Variants in FGGY observed in about 807,000 individuals in gnomAD.
The protein encoded by FGGY is FGGY carbohydrate kinase domain-containing protein.
FGGY carries 72 observed loss-of-function variants against 71.3 expected under a neutral mutation model. The observed-to-expected ratio is 1.01, with a 90% CI of 0.84 to 1.23. The LOEUF is 1.23. Ranked by LOEUF, FGGY falls within the 50% of genes most tolerant of loss-of-function variation. FGGY has a pLI of 0.00. For missense variants in FGGY, 668 were observed against 682.3 expected, an observed-to-expected ratio of 0.98 and a Z score of 0.23; for synonymous variants, 251 against 250.3, an observed-to-expected ratio of 1.00 and a Z score of -0.02.
At chr1:59,508,708 C>G (rs2153624987) in intron 6 of FGGY, among the ~76,000 whole-genome samples, 1 of 152,270 alleles carries the variant, frequency 6.6e-6, no homozygotes, top group African/African-American at 2.4e-5. Flanking sequence ...TGCTTGGAGT[C>G]CAGATAGCCT....
At chr1:59,472,271 G>T (rs2092989969) in intron 6 of FGGY, among the ~76,000 whole-genome samples, 1 of 152,222 alleles carries the variant, frequency 6.6e-6, no homozygotes, top group South Asian at 2.1e-4. Flanking sequence ...TTAGCACCTG[G>T]GCCAGCAGCT....
At chr1:59,512,476 T>G in intron 7 of FGGY, 37 bp downstream of exon 7, 1 of 1,602,038 alleles carries the variant, frequency 6.2e-7, no homozygotes, top group Non-Finnish European at 8.5e-7. Flanking sequence ...CAAAACCGTA[T>G]TCAAATGGAA....
chr1:59,698,778 A>G, intron 14 of FGGY: 1 of 985,438 alleles, frequency 1.0e-6, no homozygotes, highest in Middle Eastern at 5.2e-4. Flanking sequence ...AAGCCCTTTA[A>G]AAGCGCAGCG....
intron 8 of FGGY, among the ~76,000 whole-genome samples, chr1:59,591,508 T>C (rs1215368111): frequency 1.3e-5 from 2 of 151,238 alleles, no homozygotes; most frequent in African/African-American, 4.9e-5. Flanking sequence ...AAGAACAAAC[T>C]GGAGGCATCA....
At chr1:59,570,957 T>A (rs563194492) in intron 8 of FGGY, among the ~76,000 whole-genome samples, 1 of 152,294 alleles carries the variant, frequency 6.6e-6, no homozygotes, top group South Asian at 2.1e-4. Context: ...TCCTTGGTTT[T>A]CCCTGCCATG....
intron 7 of FGGY, among the ~76,000 whole-genome samples, chr1:59,553,074 G>A (rs538232250): frequency 1.2e-4 from 19 of 152,324 alleles, no homozygotes; most frequent in African/African-American, 4.3e-4. Flanking sequence ...GAGGTTGGGG[G>A]AATGGCATTC....
chr1:59,300,058 A>G (rs2042527375), intron 1 of FGGY, among the ~76,000 whole-genome samples: 1 of 152,230 alleles, frequency 6.6e-6, no homozygotes, highest in Non-Finnish European at 1.5e-5. Flanking sequence ...TACTGACTGA[A>G]TGTAGGGATA....
chr1:59,701,575 A>G (rs1192281152), intron 14 of FGGY, among the ~76,000 whole-genome samples: 2 of 152,332 alleles, frequency 1.3e-5, no homozygotes, highest in East Asian at 1.9e-4. Context: ...GAGGCATACC[A>G]TAAAATAGCA....
intron 11 of FGGY, among the ~76,000 whole-genome samples, chr1:59,653,402 G>T (rs553931909): frequency 6.6e-6 from 1 of 152,036 alleles, no homozygotes; most frequent in Non-Finnish European, 1.5e-5. Context: ...AGCAATCAGC[G>T]AGATTCTGTG....
intron 8 of FGGY, among the ~76,000 whole-genome samples, chr1:59,559,558 A>G (rs2095751747): frequency 6.6e-6 from 1 of 152,216 alleles, no homozygotes; most frequent in Admixed American, 6.5e-5. Flanking sequence ...CTCAAGAGCT[A>G]GTTTTTACAA....
At chr1:59,443,531 T>C (rs1439810561) in intron 5 of FGGY, among the ~76,000 whole-genome samples, 1 of 152,162 alleles carries the variant, frequency 6.6e-6, no homozygotes, top group East Asian at 1.9e-4. Flanking sequence ...GGCTTACCGA[T>C]TATGCACACT....
intron 4 of FGGY, among the ~76,000 whole-genome samples, chr1:59,374,305 G>A (rs2058261730): frequency 6.6e-6 from 1 of 152,210 alleles, no homozygotes; most frequent in Non-Finnish European, 1.5e-5. Flanking sequence ...ATGAAAAAAT[G>A]CTCACCATCA....
At position 59,321,526 on chromosome 1, in the gene FGGY, C is replaced by T; in HGVS notation, c.-14-10C>T. On this transcript the variant is annotated splice_polypyrimidine_tract_variant and intron_variant, in intron 1 of 15. Transcript: ENST00000303721. ...GGTCTTCATATGGTTTTTACACTTGCTTACTATAGGTGGAGGAACTGCAAT... is the reference window on the plus strand; with the variant it reads ...GGTCTTCATATGGTTTTTACACTTGTTTACTATAGGTGGAGGAACTGCAAT... 1.2e-6 allele frequency: 2 copies of T among 1,611,358 alleles called. No homozygotes were observed. Among genetic ancestry groups the T allele is most frequent in the Non-Finnish European group, 1.7e-6 (2 of 1,178,324 alleles).
intron 8 of FGGY, among the ~76,000 whole-genome samples, chr1:59,607,113 C>T (rs2096631385): frequency 6.6e-6 from 1 of 152,186 alleles, no homozygotes; most frequent in Non-Finnish European, 1.5e-5. Flanking sequence ...TATTTTTGCT[C>T]ACAAGTTTGT....
At chr1:59,301,905 T>C (rs1056316642) in intron 1 of FGGY, among the ~76,000 whole-genome samples, 3 of 150,412 alleles carry the variant, frequency 2.0e-5, no homozygotes, top group African/African-American at 7.3e-5. Context: ...TTCTTTCTTT[T>C]TTTTTTTTTT....
At position 59,618,200 on chromosome 1, in the gene FGGY, G is replaced by A. The variant is rs183995729; in HGVS notation, c.1012-7788G>A. Among the ~76,000 whole-genome samples the A allele has an allele frequency of 2.0e-3, 298 of 152,166 alleles. 1 individual carries two copies. Among genetic ancestry groups the A allele is most frequent in the Non-Finnish European group, 7.8e-4 (53 of 67,984 alleles). On this transcript the variant is annotated intron_variant, in intron 9 of 15. Coordinates refer to ENST00000303721, the MANE Select transcript of FGGY (RefSeq NM_018291.5). The stretch of plus-strand genomic sequence containing the variant: ...TTATTGTAGGACATAAAAATAGATA[G>A]TACAATCACTATAGCCTACTGGAAA...
At chr1:59,460,661 T>A (rs1220464122) in intron 6 of FGGY, among the ~76,000 whole-genome samples, 1 of 152,228 alleles carries the variant, frequency 6.6e-6, no homozygotes, top group Non-Finnish European at 1.5e-5. Context: ...AGGGGCCGAC[T>A]GACATCTCAT....
At chr1:59,655,254 A>G (rs1200217370) in intron 11 of FGGY, among the ~76,000 whole-genome samples, 2 of 152,208 alleles carry the variant, frequency 1.3e-5, no homozygotes, top group Admixed American at 6.5e-5. Flanking sequence ...AAGAAAATGA[A>G]TACTTATTTT....
intron 14 of FGGY, among the ~76,000 whole-genome samples, chr1:59,722,572 A>G (rs1029383043): frequency 5.9e-5 from 9 of 152,214 alleles, no homozygotes; most frequent in African/African-American, 1.9e-4. Context: ...ATCCAGTACT[A>G]CTTTGTTTTG....
Sources: gnomAD v4.1 joint callset for allele counts (sites outside exome capture counted in the v4.1 genomes callset) on GRCh38, gnomAD v4.1.1 for gene constraint, MANE v1.5 for transcripts, NCBI Gene and HGNC (gene_info 2026-07-23, HGNC 2026-07-21) for gene names.